The following OPCML variants were observed in gnomAD, a reference collection of about 807,000 sequenced individuals.
OPCML encodes opioid binding protein/cell adhesion molecule like.
Under a neutral mutation model 37.8 loss-of-function variants are expected in OPCML, and 13 were observed. The ratio of observed to expected loss-of-function variants is 0.34; its 90% CI spans 0.22 to 0.55. The LOEUF (loss-of-function observed/expected upper bound fraction) is 0.55. Ranked by LOEUF, OPCML falls within the 20% of genes least tolerant of loss-of-function variation. The probability of loss-of-function intolerance (pLI) is 0.91; values close to 1 mark genes in which losing one functional copy is unlikely to be tolerated. For synonymous variants in OPCML, 176 were observed against 168.8 expected (o/e 1.04, Z -0.33); for missense variants, 341 against 435.6 (o/e 0.78, Z 1.93).
chr11:132,484,036 GCAATGGCAA>G (rs2096190701), intron 4 of OPCML, among the ~76,000 whole-genome samples: 1 of 152,096 alleles, frequency 6.6e-6, no homozygotes, highest in Admixed American at 6.5e-5. Flanking sequence ...AACACCAAAA[GCAATGGCAA>G]CAAAAGCCAA....
intron 1 of OPCML, among the ~76,000 whole-genome samples, chr11:133,478,607 A>G (rs1947297488): frequency 6.6e-6 from 1 of 152,216 alleles, no homozygotes; most frequent in East Asian, 1.9e-4. Context: ...TCCAGAAGTT[A>G]CGTAACACAA....
At chr11:133,122,571 A>T (rs1189914586) in intron 1 of OPCML, among the ~76,000 whole-genome samples, 1 of 152,082 alleles carries the variant, frequency 6.6e-6, no homozygotes, top group Admixed American at 6.5e-5. Flanking sequence ...ATGGTCTGAC[A>T]GTGGTTCTTC....
intron 2 of OPCML, among the ~76,000 whole-genome samples, chr11:132,801,603 T>C (rs959526590): frequency 6.6e-6 from 1 of 152,238 alleles, no homozygotes; most frequent in Non-Finnish European, 1.5e-5. Flanking sequence ...TGAATATTAG[T>C]ACTAAAAGAA....
chr11:132,869,757 A>T (rs1942723107), intron 2 of OPCML, among the ~76,000 whole-genome samples: 2 of 152,202 alleles, frequency 1.3e-5, no homozygotes, highest in Admixed American at 1.3e-4. Flanking sequence ...AAGTGTCCCA[A>T]GCACACTCTA....
chr11:133,004,961 C>T (rs1311014964), intron 1 of OPCML: 2 of 985,300 alleles, frequency 2.0e-6, no homozygotes, highest in Admixed American at 6.1e-5. Context: ...AGCTAGTCTA[C>T]ATCATGGTCC....
At chr11:133,240,122 C>T (rs538772629) in intron 1 of OPCML, among the ~76,000 whole-genome samples, 14 of 150,492 alleles carry the variant, frequency 9.3e-5, no homozygotes, top group Non-Finnish European at 1.9e-4. Flanking sequence ...GGGAGCTCTG[C>T]CTTCCTCTCA....
intron 3 of OPCML, among the ~76,000 whole-genome samples, chr11:132,603,266 C>T (rs974718777): frequency 1.3e-5 from 2 of 152,134 alleles, no homozygotes; most frequent in African/African-American, 4.8e-5. Context: ...TCAACACACC[C>T]AAAACTGACC....
intron 7 of OPCML, among the ~76,000 whole-genome samples, chr11:132,430,303 G>A (rs1284005495): frequency 1.3e-5 from 2 of 152,138 alleles, no homozygotes; most frequent in Non-Finnish European, 2.9e-5. Flanking sequence ...AGAGGAGGGA[G>A]GTGGGGGATA....
intron 1 of OPCML, among the ~76,000 whole-genome samples, chr11:133,392,422 C>A (rs1372483352): frequency 1.3e-5 from 2 of 152,192 alleles, no homozygotes; most frequent in South Asian, 2.1e-4. Context: ...ACTGTTCTAA[C>A]CCTCACTGCA....
Position 132,943,388 on chromosome 11 carries a change from A to C in OPCML, c.62-378T>G, listed in dbSNP as rs1457224362. The C allele has an allele frequency of 2.1e-6, 1 of 476,360 alleles. No homozygotes were observed. The highest frequency in any genetic ancestry group is 1.9e-5 in the African/African-American group (1 of 51,756). 29.5% of individuals were successfully genotyped at this position (476,360 alleles called of 1,614,324 possible). A position where few individuals can be genotyped will look rare whatever the true frequency, so the allele number is the denominator to read the frequency against. ...CGGCCAGGAGGGGAGAGGAAGAAGC[A>C]AGGTGCGGGGATGAAGGTCACAGAT... On this transcript the variant is annotated intron_variant, in intron 1 of 7. Transcript: ENST00000524381. This position sits in a 1 kb window ranked among gnomAD's most constrained non-coding sequence, Gnocchi z 4.3.
chr11:133,489,856 T>A (rs542992118), intron 1 of OPCML, among the ~76,000 whole-genome samples: 3,427 of 149,202 alleles, frequency 0.023, 133 homozygotes, highest in African/African-American at 0.082. Context: ...ATATATATTT[T>A]TTTATACATG....
chr11:133,422,953 G>A, intron 1 of OPCML: 2 of 985,296 alleles, frequency 2.0e-6, no homozygotes, highest in Non-Finnish European at 2.4e-6. Flanking sequence ...AAAATGCTCT[G>A]ATGGCATGTC....
chr11:133,496,117 G>A (rs527629921), intron 1 of OPCML, among the ~76,000 whole-genome samples: 140 of 152,284 alleles, frequency 9.2e-4, no homozygotes, highest in Admixed American at 9.0e-3. Context: ...TCTCCTACAT[G>A]TGGCTAGCCA....
intron 1 of OPCML, among the ~76,000 whole-genome samples, chr11:133,406,638 T>C (rs1256905217): frequency 6.6e-6 from 1 of 152,192 alleles, no homozygotes; most frequent in Non-Finnish European, 1.5e-5. Flanking sequence ...TTGAATTTGT[T>C]TTCATTTAAT....
At chr11:133,478,230 T>A (rs1188993949) in intron 1 of OPCML, among the ~76,000 whole-genome samples, 1 of 152,210 alleles carries the variant, frequency 6.6e-6, no homozygotes, top group African/African-American at 2.4e-5. Context: ...CAGCCTCTGT[T>A]GTGGCCTCCT....
chr11:133,344,975 C>A (rs968601993), intron 1 of OPCML, among the ~76,000 whole-genome samples: 1 of 152,158 alleles, frequency 6.6e-6, no homozygotes, highest in Non-Finnish European at 1.5e-5. Context: ...TCAAACACAT[C>A]AGTGATTACA....
intron 3 of OPCML, among the ~76,000 whole-genome samples, chr11:132,599,749 A>C (rs2137767582): frequency 6.6e-6 from 1 of 152,296 alleles, no homozygotes; most frequent in East Asian, 1.9e-4. Flanking sequence ...TTGTCTTTTT[A>C]AAACTTAACA....
At chr11:133,288,624 TA>T (rs1942369536) in intron 1 of OPCML, among the ~76,000 whole-genome samples, 1 of 152,182 alleles carries the variant, frequency 6.6e-6, no homozygotes, top group African/African-American at 2.4e-5. Flanking sequence ...CTGGGAACTT[TA>T]AAAACATATG....
At chr11:133,213,982 G>A (rs992178536) in intron 1 of OPCML, among the ~76,000 whole-genome samples, 1 of 152,138 alleles carries the variant, frequency 6.6e-6, no homozygotes, top group Admixed American at 6.5e-5. Flanking sequence ...ATCATCAGAT[G>A]TATGATGAAA....
Sources: gnomAD v4.1 joint callset for allele counts (sites outside exome capture counted in the v4.1 genomes callset) on GRCh38, gnomAD v4.1.1 for gene constraint, Gnocchi (gnomAD v3.1) non-coding constraint, MANE v1.5 for transcripts, NCBI Gene and HGNC (gene_info 2026-07-23, HGNC 2026-07-21) for gene names.